The following SUSD6 variants were observed in gnomAD, a reference collection of about 807,000 sequenced individuals.
SUSD6 encodes the protein sushi domain-containing protein 6.
A neutral mutation model predicts 28.4 loss-of-function variants in SUSD6; 16 were observed. The ratio of observed to expected loss-of-function variants is 0.56; its 90% CI spans 0.38 to 0.86. The LOEUF is 0.86. Among genes scored for constraint, SUSD6 ranks in the 40% least tolerant of loss-of-function variants. The pLI is 0.00. For missense variants in SUSD6, 341 were observed against 384.2 expected (o/e 0.89, Z 0.94); for synonymous variants, 147 against 159.6 (o/e 0.92, Z 0.59).
chr14:69,625,350 G>A (rs1469905635), intron 1 of SUSD6, among the ~76,000 whole-genome samples: 1 of 152,244 alleles, frequency 6.6e-6, no homozygotes, highest in Admixed American at 6.5e-5. Context: ...GAGGCAGTGA[G>A]TGTAACTTTA....
At chr14:69,632,209 C>T (rs571565716) in intron 1 of SUSD6, among the ~76,000 whole-genome samples, 1 of 152,210 alleles carries the variant, frequency 6.6e-6, no homozygotes, top group Non-Finnish European at 1.5e-5. Context: ...CACCACTGTT[C>T]ACCCTGCTAT....
At chr14:69,619,191 T>A (rs549737840) in intron 1 of SUSD6, among the ~76,000 whole-genome samples, 10 of 152,184 alleles carry the variant, frequency 6.6e-5, no homozygotes, top group Non-Finnish European at 1.2e-4. Context: ...GTGGTTCATA[T>A]TTTTGGGAAC....
chr14:69,683,582 G>C (rs918740616), intron 2 of SUSD6, among the ~76,000 whole-genome samples: 2 of 152,134 alleles, frequency 1.3e-5, no homozygotes, highest in South Asian at 4.1e-4. Flanking sequence ...TCTGAGAGGG[G>C]CCAGAAGGCT....
intron 4 of SUSD6, among the ~76,000 whole-genome samples, chr14:69,705,239 A>G (rs758120277): frequency 1.3e-5 from 2 of 151,084 alleles, no homozygotes; most frequent in African/African-American, 2.4e-5. Context: ...AATCACTTGA[A>G]CCCACGAGGC....
chr14:69,649,662 C>T (rs1284371076), intron 1 of SUSD6, among the ~76,000 whole-genome samples: 1 of 152,136 alleles, frequency 6.6e-6, no homozygotes, highest in African/African-American at 2.4e-5. Flanking sequence ...TTATTACCTG[C>T]GGAAATGCAG....
At chr14:69,650,867 A>G (rs747610793) in intron 1 of SUSD6, among the ~76,000 whole-genome samples, 31 of 152,190 alleles carry the variant, frequency 2.0e-4, no homozygotes, top group Non-Finnish European at 4.1e-4. Flanking sequence ...CCTAAAGGGA[A>G]AGTGGACTGT....
Position 69,712,464 on chromosome 14 carries a change from T to C in SUSD6, c.*1485T>C, listed in dbSNP as rs1381170752. ...ATGCAGCAGTAAGGAATGTTTGTTT[T>C]GCTTTTTTCTGAAATTTTCTGAAGC... On this transcript the variant is annotated 3_prime_UTR_variant, in exon 6 of 6. Coordinates refer to ENST00000342745, the MANE Select transcript of SUSD6 (RefSeq NM_014734.4). 1.3e-5 allele frequency: 2 copies of C among 152,372 alleles called. No homozygotes were observed. The highest frequency in any genetic ancestry group is 2.9e-5 in the Non-Finnish European group (2 of 68,132). The allele number at this position is 152,372 out of a possible 1,614,324, so 9.4% of individuals were successfully genotyped here.
At chr14:69,686,160 C>T (rs1321550772) in intron 2 of SUSD6, among the ~76,000 whole-genome samples, 1 of 152,136 alleles carries the variant, frequency 6.6e-6, no homozygotes, top group East Asian at 1.9e-4. Context: ...TCTTTAGTGT[C>T]AGTTGAATAC....
intron 1 of SUSD6, among the ~76,000 whole-genome samples, 154 bp from the exon 2 acceptor site, chr14:69,658,359 A>T (rs533363859): frequency 6.6e-6 from 1 of 152,250 alleles, no homozygotes; most frequent in East Asian, 1.9e-4. Flanking sequence ...TTGAAAAGCC[A>T]CTTCTGTGCT....
At chr14:69,635,774 A>G (rs1885257255) in intron 1 of SUSD6, among the ~76,000 whole-genome samples, 1 of 152,374 alleles carries the variant, frequency 6.6e-6, no homozygotes, top group African/African-American at 2.4e-5. Flanking sequence ...TTTTTCTGGC[A>G]GGCCACTTTC....
intron 1 of SUSD6, among the ~76,000 whole-genome samples, chr14:69,619,802 C>T (rs1049969300): frequency 5.9e-5 from 9 of 151,910 alleles, no homozygotes; most frequent in African/African-American, 2.2e-4. Flanking sequence ...AACCACCTGA[C>T]CCCAGGCCAA....
At chr14:69,694,729 C>A (rs541866882) in intron 2 of SUSD6, among the ~76,000 whole-genome samples, 242 of 152,218 alleles carry the variant, frequency 1.6e-3, no homozygotes, top group Middle Eastern at 0.014. Context: ...AGGCAGGGTG[C>A]AGTAAAAGAA....
At chr14:69,639,962 T>TG (rs1195864174) in intron 1 of SUSD6, among the ~76,000 whole-genome samples, 24 of 146,604 alleles carry the variant, frequency 1.6e-4, no homozygotes, top group African/African-American at 5.6e-4. Context: ...CACTGTTTTT[T>TG]TTTTTTTTTT....
In SUSD6 at chr14:69,620,273, G is replaced by A. The variant is rs144682754; in HGVS notation, c.-81+8445G>A. On this transcript the variant is annotated intron_variant, in intron 1 of 5. Coordinates refer to ENST00000342745, the MANE Select transcript of SUSD6 (RefSeq NM_014734.4). ...GCTCTGAGTTTCATAAGAATTCATCGATCCATCTTTCCTTTACATGTACCC... is the reference window on the plus strand; with the variant it reads ...GCTCTGAGTTTCATAAGAATTCATCAATCCATCTTTCCTTTACATGTACCC... Among the ~76,000 whole-genome samples, 146 of 152,244 alleles carry A rather than the reference G, an allele frequency of 9.6e-4. 1 individual carries two copies. Among genetic ancestry groups the A allele is most frequent in the African/African-American group, 3.3e-3 (139 of 41,544 alleles).
intron 2 of SUSD6, among the ~76,000 whole-genome samples, chr14:69,664,436 A>G (rs1307380126): frequency 1.3e-5 from 2 of 152,216 alleles, no homozygotes; most frequent in Non-Finnish European, 2.9e-5. Flanking sequence ...AAACATCCGC[A>G]AAGCATCTTC....
chr14:69,642,148 G>A (rs1345577183), intron 1 of SUSD6, among the ~76,000 whole-genome samples: 1 of 152,088 alleles, frequency 6.6e-6, no homozygotes, highest in Admixed American at 6.6e-5. Context: ...ACCTTGCTGG[G>A]TGCTGGAACT....
intron 4 of SUSD6, among the ~76,000 whole-genome samples, chr14:69,707,756 A>G (rs1253095415): frequency 6.6e-6 from 1 of 152,222 alleles, no homozygotes; most frequent in Non-Finnish European, 1.5e-5. Flanking sequence ...CAAAAGAAAA[A>G]CAATTTTTTT....
At chr14:69,685,265 T>C (rs1349395090) in intron 2 of SUSD6, among the ~76,000 whole-genome samples, 6 of 152,202 alleles carry the variant, frequency 3.9e-5, no homozygotes, top group Admixed American at 2.0e-4. Context: ...CCCACATGCA[T>C]AGAGCCATGA....
At chr14:69,614,819 T>G (rs1344367122) in intron 1 of SUSD6, among the ~76,000 whole-genome samples, 1 of 152,112 alleles carries the variant, frequency 6.6e-6, no homozygotes, top group Non-Finnish European at 1.5e-5. Flanking sequence ...AGGGCACACG[T>G]GGTTGTCTTT....
Sources: gnomAD v4.1 joint callset for allele counts (sites outside exome capture counted in the v4.1 genomes callset) on GRCh38, gnomAD v4.1.1 for gene constraint, MANE v1.5 for transcripts, NCBI Gene and HGNC (gene_info 2026-07-23, HGNC 2026-07-21) for gene names.